The following ABI3BP variants were observed in gnomAD, a reference collection of about 807,000 sequenced individuals.
ABI3BP encodes ABI family member 3 binding protein.
Under a neutral mutation model 268.6 loss-of-function variants are expected in ABI3BP, and 216 were observed. The observed-to-expected ratio is 0.80, with a 90% CI of 0.72 to 0.90. The LOEUF (loss-of-function observed/expected upper bound fraction) is 0.90. ABI3BP is among the 40% of genes least tolerant of loss of function. The pLI is 0.00. For synonymous variants in ABI3BP, 730 were observed against 730.0 expected (o/e 1.00, Z 0.00); for missense variants, 2,090 against 2,182.4 (o/e 0.96, Z 0.84).
rs961693849 is a variant in ABI3BP at position 100,974,421 on chromosome 3, T to C, written c.79+18885A>G. Among the ~76,000 whole-genome samples, 4 of 152,226 alleles carry C rather than the reference T, an allele frequency of 2.6e-5. No individual in the cohort carries two copies. In the South Asian group the frequency reaches 8.3e-4, roughly 32 times the overall value. ...ATATAATGAAATTCTACTCAACCAG[T>C]AAAAGGAGCTAACTATTAATACATG... On this transcript the variant is annotated intron_variant, in intron 1 of 67. Coordinates refer to ENST00000471714, the MANE Select transcript of ABI3BP (RefSeq NM_001375547.2).
intron 20 of ABI3BP, chr3:100,844,023 CAGTA>C (rs2098739426): frequency 2.0e-6 from 2 of 981,664 alleles, no homozygotes; most frequent in African/African-American, 3.5e-5. Flanking sequence ...CACATAAAAA[CAGTA>C]AGGTCTATGT....
At chr3:100,791,580 G>T (rs893542343) in intron 55 of ABI3BP, among the ~76,000 whole-genome samples, 4 of 151,854 alleles carry the variant, frequency 2.6e-5, no homozygotes, top group Non-Finnish European at 5.9e-5. Context: ...CGGAACATCT[G>T]TTCATTGCTG....
intron 1 of ABI3BP, among the ~76,000 whole-genome samples, chr3:100,932,295 A>C (rs1036704699): frequency 1.3e-5 from 2 of 152,070 alleles, no homozygotes; most frequent in Non-Finnish European, 2.9e-5. Context: ...AGGCCTTCGC[A>C]AAGATTTCAT....
At chr3:100,959,694 C>T (rs891588182) in intron 1 of ABI3BP, among the ~76,000 whole-genome samples, 3 of 151,798 alleles carry the variant, frequency 2.0e-5, no homozygotes, top group Non-Finnish European at 4.4e-5. Context: ...TAGGATAGAA[C>T]AGACATTAAA....
At chr3:100,782,804 T>C (rs1560054209) in intron 57 of ABI3BP, among the ~76,000 whole-genome samples, 1 of 151,970 alleles carries the variant, frequency 6.6e-6, no homozygotes. Flanking sequence ...CAGTAAGAGA[T>C]ACTGTAAAGA....
chr3:100,885,458 A>G, intron 6 of ABI3BP, 78 bp downstream of exon 6: 1 of 774,076 alleles, frequency 1.3e-6, no homozygotes, highest in Non-Finnish European at 1.9e-6. Flanking sequence ...TAATTTCAGT[A>G]TCTTATAATA....
At position 100,772,410 on chromosome 3, in the gene ABI3BP, C is replaced by T. The variant is rs77717857; in HGVS notation, c.4532-1458G>A. On this transcript the variant is annotated intron_variant, in intron 61 of 67. Transcript: ENST00000471714. ...TTTAAACATAAATAAAAACACCTTACGGTAATGTATATAACATGTAAAAGT... is the reference window on the plus strand; with the variant it reads ...TTTAAACATAAATAAAAACACCTTATGGTAATGTATATAACATGTAAAAGT... Among the ~76,000 whole-genome samples, 547 of 152,172 alleles carry T rather than the reference C, an allele frequency of 3.6e-3. 11 individuals carry two copies. In the East Asian group the frequency reaches 0.059, roughly 16 times the overall value.
chr3:100,809,626 G>T (rs1356702164), intron 49 of ABI3BP, among the ~76,000 whole-genome samples: 7 of 152,054 alleles, frequency 4.6e-5, no homozygotes, highest in Middle Eastern at 3.4e-3. Context: ...ACATCTAGTA[G>T]GATATTCAGC....
chr3:100,830,119 A>C, intron 32 of ABI3BP, among the ~76,000 whole-genome samples: 1 of 19,886 alleles, frequency 5.0e-5, no homozygotes, highest in South Asian at 2.8e-3. Context: ...ACATATATAT[A>C]TATATATATA....
intron 2 of ABI3BP, among the ~76,000 whole-genome samples, chr3:100,912,826 C>CA (rs779763009): frequency 8.2e-4 from 125 of 152,270 alleles, no homozygotes; most frequent in Non-Finnish European, 1.4e-3. Flanking sequence ...AGTTGGTTCT[C>CA]AAAAAACGGA....
intron 65 of ABI3BP, among the ~76,000 whole-genome samples, chr3:100,753,304 CTT>C (rs553200547): frequency 3.5e-5 from 5 of 144,474 alleles, no homozygotes; most frequent in Non-Finnish European, 3.1e-5. Context: ...GTGTTAATAT[CTT>C]TTTTTTTTTT....
chr3:100,959,244 A>G lies in ABI3BP; in HGVS notation c.80-32763T>C, dbSNP rs569768651. Among the ~76,000 whole-genome samples, 602 of 152,130 alleles carry G rather than the reference A, an allele frequency of 4.0e-3. 4 individuals are homozygous for G. The highest frequency in any genetic ancestry group is 0.013 in the African/African-American group (545 of 41,518). ...GGTGGCTCACGCCTGTAATCCCAGC[A>G]CTTTGGGAGGCCGAGGCGGGCGGAT... On this transcript the variant is annotated intron_variant, in intron 1 of 67. Coordinates refer to ENST00000471714, the MANE Select transcript of ABI3BP (RefSeq NM_001375547.2).
intron 55 of ABI3BP, among the ~76,000 whole-genome samples, chr3:100,791,680 A>G (rs2097201410): frequency 6.6e-6 from 1 of 151,866 alleles, no homozygotes; most frequent in Non-Finnish European, 1.5e-5. Flanking sequence ...ATAAAAATTA[A>G]ATGAAGTAAT....
intron 1 of ABI3BP, among the ~76,000 whole-genome samples, chr3:100,979,876 A>G (rs2088390368): frequency 6.6e-6 from 1 of 152,232 alleles, no homozygotes; most frequent in African/African-American, 2.4e-5. Flanking sequence ...AAAGGCACTG[A>G]TATGTTTTTG....
At position 100,794,851 on chromosome 3, in the gene ABI3BP, G is replaced by A. The variant is rs1173289119; in HGVS notation, c.3946+72C>T. The A allele has an allele frequency of 4.9e-5, 54 of 1,093,800 alleles. No homozygotes were observed. The South Asian group carries it at 7.3e-4, about 15-fold the overall frequency. 67.8% of individuals were successfully genotyped at this position (1,093,800 alleles called of 1,614,324 possible). A position where few individuals can be genotyped will look rare whatever the true frequency, so the allele number is the denominator to read the frequency against. ...TTTAGAAAAAATCTGTGAACATAAT[G>A]TATTATGGTTACTTTAAGGGAAATT... On this transcript the variant is annotated intron_variant, in intron 54 of 67. Transcript: ENST00000471714.
rs2153215703 is a variant in ABI3BP at position 100,866,873 on chromosome 3, C to T, written c.988+6G>A. On this transcript the variant is annotated splice_donor_region_variant and intron_variant, in intron 10 of 67. Coordinates refer to ENST00000471714, the MANE Select transcript of ABI3BP (RefSeq NM_001375547.2). Reference sequence around the variant, plus strand: ...CTCAAGGTCAACAACATAGCGATCTCATTACCTGTTGTGGGTCGTGCTGAG... The same window carrying T: ...CTCAAGGTCAACAACATAGCGATCTTATTACCTGTTGTGGGTCGTGCTGAG... 1.9e-6 allele frequency: 3 copies of T among 1,612,498 alleles called. No individual in the cohort carries two copies. Among genetic ancestry groups the T allele is most frequent in the East Asian group, 2.2e-5 (1 of 44,852 alleles).
At chr3:100,869,618 T>TTTC in intron 9 of ABI3BP, among the ~76,000 whole-genome samples, 1 of 152,108 alleles carries the variant, frequency 6.6e-6, no homozygotes, top group East Asian at 1.9e-4. Context: ...CCTCCCAAAG[T>TTTC]ACTTGGATTA....
intron 7 of ABI3BP, 26 bp downstream of exon 7, chr3:100,876,486 A>T (rs762121143): frequency 6.2e-7 from 1 of 1,601,190 alleles, no homozygotes; most frequent in South Asian, 1.1e-5. Flanking sequence ...ATTGCTCTAA[A>T]CACATTTCCA....
At chr3:100,927,689 G>A (rs1280572714) in intron 1 of ABI3BP, among the ~76,000 whole-genome samples, 1 of 152,076 alleles carries the variant, frequency 6.6e-6, no homozygotes, top group Admixed American at 6.6e-5. Context: ...TCTATCACTA[G>A]GGGGAGGTTG....
Sources: allele counts gnomAD v4.1 joint callset (sites outside exome capture counted in the v4.1 genomes callset), GRCh38; gene constraint gnomAD v4.1.1; transcripts MANE v1.5; gene names NCBI Gene and HGNC (gene_info 2026-07-23, HGNC 2026-07-21).